The following SPTB variants were observed in gnomAD, a reference collection of about 807,000 sequenced individuals.
SPTB encodes spectrin beta, erythrocytic, also known as spectrin beta chain, erythrocytic.
In SPTB, 45 loss-of-function variants were observed where a neutral mutation model predicts 256.2. The observed-to-expected ratio is 0.18, with a 90% CI of 0.14 to 0.23. SPTB has a LOEUF of 0.23. Ranked by LOEUF, SPTB falls within the 10% of genes least tolerant of loss-of-function variation. SPTB has a pLI of 1.00. For synonymous variants in SPTB, 1,231 were observed against 1,243.1 expected, an observed-to-expected ratio of 0.99 and a Z score of 0.21; for missense variants, 2,715 against 3,040.4, an observed-to-expected ratio of 0.89 and a Z score of 2.52.
rs906439773 is a variant in SPTB at position 64,844,928 on chromosome 14, G to T, written c.-51-21783C>A. ...AGAAGATGATCTTCCTAAAACTTCT[G>T]AGCATTTCATATTGTTAACCTGACC... is the stretch of plus-strand genomic sequence containing the variant. On this transcript the variant is annotated intron_variant, in intron 1 of 35. Coordinates refer to ENST00000644917, the MANE Select transcript of SPTB (RefSeq NM_001355436.2). This position sits in a 1 kb window ranked among gnomAD's most constrained non-coding sequence, Gnocchi z 4.1. Among the ~76,000 whole-genome samples the T allele has an allele frequency of 1.3e-5, 2 of 152,178 alleles. No individual in the cohort carries two copies. Among genetic ancestry groups the T allele is most frequent in the Non-Finnish European group, 2.9e-5 (2 of 68,030 alleles).
intron 2 of SPTB, among the ~76,000 whole-genome samples, chr14:64,808,771 C>A (rs961649283): frequency 2.6e-5 from 4 of 152,134 alleles, no homozygotes; most frequent in Non-Finnish European, 4.4e-5. Context: ...TTTAATAACA[C>A]AAAAGCCATC....
At chr14:64,869,024 TAA>T (rs768819177) in intron 1 of SPTB, among the ~76,000 whole-genome samples, 20 of 139,332 alleles carry the variant, frequency 1.4e-4, no homozygotes, top group Middle Eastern at 3.6e-3. Flanking sequence ...GATGCAGGAT[TAA>T]AAAAAAAAAA....
chr14:64,770,702 G>A (rs1040375584), intron 27 of SPTB, among the ~76,000 whole-genome samples, 183 bp downstream of exon 27: 28 of 152,198 alleles, frequency 1.8e-4, no homozygotes, highest in African/African-American at 1.7e-4. Flanking sequence ...CCTCCCAGTG[G>A]AAGCTGACCC....
intron 32 of SPTB, among the ~76,000 whole-genome samples, chr14:64,761,630 G>A (rs889760072): frequency 6.6e-6 from 1 of 152,182 alleles, no homozygotes; most frequent in Non-Finnish European, 1.5e-5. Flanking sequence ...GAAGGGGAAT[G>A]GCAGTGTGCA....
Position 64,867,084 on chromosome 14 carries a change from G to A in SPTB, c.-52+12708C>T, listed in dbSNP as rs140118320. Among the ~76,000 whole-genome samples, 333 of 152,212 alleles carry A rather than the reference G, an allele frequency of 2.2e-3. 2 individuals carry two copies. The highest frequency in any genetic ancestry group is 7.2e-3 in the African/African-American group (299 of 41,518). ...CTGACGATGTAAGTTAAAATCAGCC[G>A]TTACTTGTTCCTCCGATAAATGGGA... On this transcript the variant is annotated intron_variant, in intron 1 of 35. Transcript: ENST00000644917.
chr14:64,767,209 G>A (rs1423130510), intron 31 of SPTB, 94 bp downstream of exon 31: 2 of 1,518,382 alleles, frequency 1.3e-6, no homozygotes, highest in Non-Finnish European at 1.8e-6. Context: ...GAAGTCAAAT[G>A]CAACTGGTCC....
At position 64,782,325 on chromosome 14, in the gene SPTB, G is replaced by C; in HGVS notation, c.4231C>G (p.Leu1411Val). The C allele has an allele frequency of 6.2e-7, 1 of 1,614,216 alleles. No individual in the cohort carries two copies. The highest frequency in any genetic ancestry group is 1.1e-5 in the South Asian group (1 of 91,084). Residue 1411 changes from leucine to valine, a missense_variant, in exon 20 of 36, where the codon CTG (leucine) becomes GTG (valine). Physicochemically the swap from Leu to Val is conservative, Grantham distance 32 (BLOSUM62 1). Transcript: ENST00000644917. ...GCCAACATCCGATTGACACTGGTCAGGTCCTTGCCCGGGTCGTCTGACCGC... is the reference window on the plus strand; with the variant it reads ...GCCAACATCCGATTGACACTGGTCACGTCCTTGCCCGGGTCGTCTGACCGC... ...QLRSDDPGKD[L>V]TSVNRMLAKL...
Position 64,793,997 on chromosome 14 carries a change from T to A in SPTB, c.1796-130A>T. The A allele has an allele frequency of 1.3e-6, 1 of 784,994 alleles. No homozygotes were observed. Among genetic ancestry groups the A allele is most frequent in the Non-Finnish European group, 2.0e-6 (1 of 504,912 alleles). 48.6% of individuals were successfully genotyped at this position (784,994 alleles called of 1,614,324 possible). On this transcript the variant is annotated intron_variant, in intron 13 of 35. Coordinates refer to ENST00000644917, the MANE Select transcript of SPTB (RefSeq NM_001355436.2). The surrounding 1 kb of genome is among the most constrained non-coding windows in gnomAD (Gnocchi z 7.0). The stretch of plus-strand genomic sequence containing the variant: ...ATGTCACTGGGGCTTTGGGGTTGGA[T>A]GCAGGGGGGTCCCAGTTGCTCAGAG...
intron 1 of SPTB, among the ~76,000 whole-genome samples, chr14:64,830,710 T>C (rs1212500585): frequency 6.6e-6 from 1 of 152,136 alleles, no homozygotes; most frequent in African/African-American, 2.4e-5. Flanking sequence ...CAGTCCCTCC[T>C]GCACGGCCCC....
At chr14:64,862,738 G>A (rs1007991481) in intron 1 of SPTB, among the ~76,000 whole-genome samples, 1 of 151,994 alleles carries the variant, frequency 6.6e-6, no homozygotes, top group African/African-American at 2.4e-5. Context: ...AGCTGGGCGT[G>A]GTGTTGGGCG....
At chr14:64,776,055 C>T (rs1156319253) in intron 22 of SPTB, among the ~76,000 whole-genome samples, 1 of 152,156 alleles carries the variant, frequency 6.6e-6, no homozygotes, top group Non-Finnish European at 1.5e-5. Context: ...TCACCTTTTT[C>T]TTCAGGAGGC....
intron 6 of SPTB, 108 bp from the exon 7 acceptor site, chr14:64,801,508 A>G: frequency 1.1e-6 from 1 of 904,984 alleles, no homozygotes; most frequent in Non-Finnish European, 1.8e-6. Flanking sequence ...GTGGTCAGGC[A>G]GGAGGAGTGA....
intron 13 of SPTB, 92 bp downstream of exon 13, chr14:64,794,375 G>A (rs2082728824): frequency 6.6e-7 from 1 of 1,515,908 alleles, no homozygotes; most frequent in African/African-American, 1.4e-5. Flanking sequence ...CTTTAAAGTT[G>A]GTTCCAGGAG....
At chr14:64,831,541 A>C (rs1039626185) in intron 1 of SPTB, among the ~76,000 whole-genome samples, 27 of 152,234 alleles carry the variant, frequency 1.8e-4, no homozygotes, top group African/African-American at 6.5e-4. Flanking sequence ...GGTCATGCTG[A>C]ATATAGATGC....
At chr14:64,869,413 C>T (rs1882387794) in intron 1 of SPTB, among the ~76,000 whole-genome samples, 1 of 152,038 alleles carries the variant, frequency 6.6e-6, no homozygotes, top group Non-Finnish European at 1.5e-5. Flanking sequence ...AGCTAACTGG[C>T]CACATGATTC....
chr14:64,848,511 A>T (rs2083729294), intron 1 of SPTB, among the ~76,000 whole-genome samples: 1 of 152,222 alleles, frequency 6.6e-6, no homozygotes, highest in African/African-American at 2.4e-5. Context: ...TGGTTGAAAT[A>T]AGTAGTTGGT....
chr14:64,757,781 C>A (rs971688048), intron 32 of SPTB, among the ~76,000 whole-genome samples: 1 of 152,086 alleles, frequency 6.6e-6, no homozygotes, highest in Non-Finnish European at 1.5e-5. Context: ...TGGAGGGGGA[C>A]AAGGAGGAAG....
intron 30 of SPTB, 47 bp from the exon 31 acceptor site, chr14:64,767,399 TTG>T: frequency 6.2e-7 from 1 of 1,611,984 alleles, no homozygotes; most frequent in African/African-American, 1.3e-5. Flanking sequence ...CAGAGGCGAG[TTG>T]TGTTCTCAGA....
chr14:64,780,399 G>T (rs55676890), intron 20 of SPTB, among the ~76,000 whole-genome samples: 22,627 of 152,110 alleles, frequency 0.15, 2,523 homozygotes, highest in African/African-American at 0.31. Flanking sequence ...ATTCTTCAAA[G>T]AACTAGAAAA....
Sources: gnomAD v4.1 joint callset for allele counts (sites outside exome capture counted in the v4.1 genomes callset) on GRCh38, gnomAD v4.1.1 for gene constraint, Gnocchi (gnomAD v3.1) non-coding constraint, MANE v1.5 for transcripts, NCBI Gene and HGNC (gene_info 2026-07-23, HGNC 2026-07-21) for gene names.